Variants in MEGF11 observed in about 807,000 individuals in gnomAD.
MEGF11 encodes multiple epidermal growth factor-like domains protein 11.
MEGF11 carries 126 observed loss-of-function variants against 146.6 expected under a neutral mutation model. The observed-to-expected ratio is 0.86, with a 90% CI of 0.74 to 1.00. MEGF11 has a LOEUF of 1.00. MEGF11 is among the 50% of genes least tolerant of loss of function. The pLI is 0.00. For synonymous variants in MEGF11, 532 were observed against 583.4 expected (o/e 0.91, Z 1.27); for missense variants, 1,509 against 1,521.2 (o/e 0.99, Z 0.13).
At chr15:66,113,104 C>T (rs1436982509) in intron 4 of MEGF11, among the ~76,000 whole-genome samples, 1 of 152,094 alleles carries the variant, frequency 6.6e-6, no homozygotes, top group Non-Finnish European at 1.5e-5. Context: ...CACTGCCTGA[C>T]CCCCTGCCCA....
intron 1 of MEGF11, among the ~76,000 whole-genome samples, chr15:66,184,719 G>A (rs1475875379): frequency 6.6e-6 from 1 of 150,878 alleles, no homozygotes; most frequent in Non-Finnish European, 1.5e-5. Flanking sequence ...CTGCCTCGCT[G>A]ACTTTCTAGG....
chr15:66,206,517 A>G (rs1383869498), intron 1 of MEGF11, among the ~76,000 whole-genome samples: 3 of 152,220 alleles, frequency 2.0e-5, no homozygotes, highest in Non-Finnish European at 4.4e-5. Flanking sequence ...TTAAAGATGA[A>G]GAAAAACAAT....
intron 7 of MEGF11, among the ~76,000 whole-genome samples, chr15:65,972,361 A>G (rs566996904): frequency 6.6e-6 from 1 of 152,372 alleles, no homozygotes; most frequent in Admixed American, 6.5e-5. Context: ...AAGGCATGTT[A>G]TCGTAAACTT....
At chr15:66,207,426 T>C (rs1291386594) in intron 1 of MEGF11, among the ~76,000 whole-genome samples, 3 of 152,210 alleles carry the variant, frequency 2.0e-5, no homozygotes, top group African/African-American at 7.2e-5. Context: ...AAGTAGAAGA[T>C]AGTCAACCTA....
chr15:65,927,974 G>T (rs1365668493), intron 13 of MEGF11, among the ~76,000 whole-genome samples: 1 of 152,208 alleles, frequency 6.6e-6, no homozygotes, highest in East Asian at 1.9e-4. Context: ...AAGAGCGGAG[G>T]CCAAGGCAGT....
chr15:65,974,914 C>T (rs915930244), intron 7 of MEGF11, among the ~76,000 whole-genome samples: 5 of 152,032 alleles, frequency 3.3e-5, no homozygotes, highest in African/African-American at 1.2e-4. Flanking sequence ...GATGTGATCT[C>T]GGCTCATGGC....
At chr15:65,946,846 C>T (rs961551238) in intron 10 of MEGF11, among the ~76,000 whole-genome samples, 6 of 152,278 alleles carry the variant, frequency 3.9e-5, no homozygotes, top group Admixed American at 3.3e-4. Context: ...GCATGCAGGG[C>T]CCACCTGCTC....
chr15:66,107,806 T>A (rs1191338644), intron 4 of MEGF11, among the ~76,000 whole-genome samples: 3 of 152,206 alleles, frequency 2.0e-5, no homozygotes, highest in Non-Finnish European at 4.4e-5. Context: ...CCACTCATCC[T>A]TGTCATCAAC....
Position 65,982,461 on chromosome 15 carries a change from TG to T in MEGF11, c.421del (p.His141ThrfsTer146). On this transcript the variant is annotated frameshift_variant, in exon 6 of 26. Coordinates refer to ENST00000395614, the MANE Select transcript of MEGF11 (RefSeq NM_001385028.1). LOFTEE classifies it high-confidence loss of function. The surrounding 1 kb of genome is among the most constrained non-coding windows in gnomAD (Gnocchi z 5.6). ...CTGGCACTGGCACCGGTTGCTGCAG[TG>T]GGGCCCCCAGTGGTCGCTGTCGCAG... The part of the protein sequence containing the change: ...SGCDSDHWGP[H>X]CSNRCQCQNG... 1.3e-6 allele frequency: 2 copies of T among 1,487,488 alleles called. No homozygotes were observed. The highest frequency in any genetic ancestry group is 1.8e-6 in the Non-Finnish European group (2 of 1,117,624). 92.1% of individuals were successfully genotyped at this position (1,487,488 alleles called of 1,614,324 possible).
At chr15:66,211,252 G>GCA (rs1567285260) in intron 1 of MEGF11, among the ~76,000 whole-genome samples, 6 of 152,336 alleles carry the variant, frequency 3.9e-5, no homozygotes, top group Admixed American at 2.6e-4. Flanking sequence ...AGCCGGGCTT[G>GCA]GTGGCTCACG....
intron 1 of MEGF11, among the ~76,000 whole-genome samples, chr15:66,236,511 G>C (rs2092095137): frequency 6.6e-6 from 1 of 152,188 alleles, no homozygotes; most frequent in Admixed American, 6.5e-5. Flanking sequence ...TCTTCAGTCT[G>C]GGGGCACAGG....
intron 4 of MEGF11, among the ~76,000 whole-genome samples, chr15:66,115,345 A>G (rs12438373): frequency 0.58 from 88,296 of 152,040 alleles, 26,015 homozygotes; most frequent in East Asian, 0.83. Context: ...GTGCCCTGGC[A>G]TCATTCTTCA....
At chr15:66,180,860 A>G (rs1156629877) in intron 1 of MEGF11, among the ~76,000 whole-genome samples, 1 of 152,202 alleles carries the variant, frequency 6.6e-6, no homozygotes, top group African/African-American at 2.4e-5. Context: ...CAGCAAAGGA[A>G]CTGGGCTGCC....
intron 10 of MEGF11, among the ~76,000 whole-genome samples, chr15:65,951,151 G>A (rs2080387863): frequency 6.6e-6 from 1 of 152,192 alleles, no homozygotes; most frequent in Admixed American, 6.5e-5. Context: ...ACAAAGGGAT[G>A]GAATGGTTAA....
chr15:66,116,695 C>T (rs938230287), intron 4 of MEGF11, among the ~76,000 whole-genome samples: 1 of 152,168 alleles, frequency 6.6e-6, no homozygotes, highest in African/African-American at 2.4e-5. Flanking sequence ...AGGTACTATG[C>T]ATTTTCCCAG....
chr15:66,071,902 A>C (rs1324487855), intron 5 of MEGF11, among the ~76,000 whole-genome samples: 2 of 152,188 alleles, frequency 1.3e-5, no homozygotes, highest in Non-Finnish European at 2.9e-5. Context: ...ACACGTGCCC[A>C]CCCAGCATCA....
intron 1 of MEGF11, among the ~76,000 whole-genome samples, chr15:66,248,970 G>C (rs925708030): frequency 6.6e-6 from 1 of 152,194 alleles, no homozygotes; most frequent in Admixed American, 6.5e-5. Context: ...GCGTTTAGGA[G>C]AACAACTCTT....
chr15:66,053,274 T>C (rs1027776672), intron 5 of MEGF11, among the ~76,000 whole-genome samples: 3 of 152,218 alleles, frequency 2.0e-5, no homozygotes, highest in Non-Finnish European at 2.9e-5. Flanking sequence ...GAGCCAGATA[T>C]AAGTATGCGA....
intron 1 of MEGF11, among the ~76,000 whole-genome samples, chr15:66,164,103 G>T (rs2090034021): frequency 6.6e-6 from 1 of 152,182 alleles, no homozygotes; most frequent in African/African-American, 2.4e-5. Flanking sequence ...GGGGTGGGGT[G>T]GGGTGGAGGT....
Sources: allele counts gnomAD v4.1 joint callset (sites outside exome capture counted in the v4.1 genomes callset), GRCh38; gene constraint gnomAD v4.1.1; non-coding constraint Gnocchi (gnomAD v3.1); transcripts MANE v1.5; gene names NCBI Gene and HGNC (gene_info 2026-07-23, HGNC 2026-07-21).